Variants in RANBP10 observed in about 807,000 individuals in gnomAD.
The protein encoded by RANBP10 is ran-binding protein 10.
Under a neutral mutation model 72.8 loss-of-function variants are expected in RANBP10, and 24 were observed. The ratio of observed to expected loss-of-function variants is 0.33; its 90% CI spans 0.24 to 0.46. The LOEUF is 0.46. Among genes scored for constraint, RANBP10 ranks in the 20% least tolerant of loss-of-function variants. The pLI, the probability that RANBP10 is intolerant of heterozygous loss-of-function variation, is 1.00. For missense variants in RANBP10, 679 were observed against 817.5 expected (o/e 0.83, Z 2.07); for synonymous variants, 310 against 322.3 (o/e 0.96, Z 0.41).
rs1223383715 is a variant in RANBP10 at position 67,725,959 on chromosome 16, AAT to A, written c.*467_*468del. On this transcript the variant is annotated 3_prime_UTR_variant, in exon 14 of 14. Transcript: ENST00000317506. ...TACGATAAATACTGTCTTTTTTTTT[AAT>A]ATATATATTTTTATATATATATATA... The A allele has an allele frequency of 1.0e-4, 15 of 144,116 alleles. No homozygotes were observed. The highest frequency in any genetic ancestry group is 2.2e-4 in the Non-Finnish European group (14 of 64,412). 8.9% of individuals were successfully genotyped at this position (144,116 alleles called of 1,614,324 possible). A position where few individuals can be genotyped will look rare whatever the true frequency, so the allele number is the denominator to read the frequency against.
chr16:67,788,679 C>T (rs537804929), intron 2 of RANBP10, among the ~76,000 whole-genome samples: 4 of 151,904 alleles, frequency 2.6e-5, no homozygotes, highest in Admixed American at 6.6e-5. Flanking sequence ...CATGAGCCAC[C>T]GCTCCTGCCC....
intron 4 of RANBP10, among the ~76,000 whole-genome samples, chr16:67,743,592 T>C (rs750456796): frequency 6.6e-6 from 1 of 152,156 alleles, no homozygotes; most frequent in Non-Finnish European, 1.5e-5. Flanking sequence ...CTGGGTTTCT[T>C]CTCCTGGTTA....
At chr16:67,760,285 C>T (rs574210098) in intron 3 of RANBP10, among the ~76,000 whole-genome samples, 2 of 152,308 alleles carry the variant, frequency 1.3e-5, no homozygotes, top group East Asian at 3.9e-4. Context: ...TCATTGCTTG[C>T]CACTCAGGCA....
intron 2 of RANBP10, among the ~76,000 whole-genome samples, chr16:67,789,772 A>AC (rs2054989508): frequency 6.6e-6 from 1 of 151,644 alleles, no homozygotes; most frequent in South Asian, 2.1e-4. Flanking sequence ...TGCCCAGACA[A>AC]CCATATATCT....
intron 2 of RANBP10, among the ~76,000 whole-genome samples, chr16:67,784,818 TAA>T (rs1174073904): frequency 1.7e-5 from 2 of 120,746 alleles, no homozygotes; most frequent in African/African-American, 3.1e-5. Flanking sequence ...AAACTCCATC[TAA>T]AAAAAAAAAA....
intron 2 of RANBP10, among the ~76,000 whole-genome samples, chr16:67,797,406 T>C (rs2055153084): frequency 6.6e-6 from 1 of 152,242 alleles, no homozygotes; most frequent in Non-Finnish European, 1.5e-5. Context: ...TGGTGGCTCA[T>C]GCCTGTAATC....
At chr16:67,788,431 A>AT (rs1184357767) in intron 2 of RANBP10, among the ~76,000 whole-genome samples, 1 of 143,968 alleles carries the variant, frequency 6.9e-6, no homozygotes, top group Admixed American at 7.0e-5. Context: ...TTTTTGTTGT[A>AT]TTTTTTTAGT....
chr16:67,736,525 C>T (rs909707399), intron 5 of RANBP10, among the ~76,000 whole-genome samples: 4 of 152,200 alleles, frequency 2.6e-5, no homozygotes, highest in Non-Finnish European at 5.9e-5. Context: ...TTCAGCCCAC[C>T]ATGGGCTCTG....
chr16:67,729,576 C>T lies in RANBP10; in HGVS notation c.1148-92G>A. The T allele has an allele frequency of 6.4e-7, 1 of 1,555,320 alleles. No individual in the cohort carries two copies. Among genetic ancestry groups the T allele is most frequent in the Non-Finnish European group, 8.7e-7 (1 of 1,150,842 alleles). On this transcript the variant is annotated intron_variant, in intron 9 of 13. Coordinates refer to ENST00000317506, the MANE Select transcript of RANBP10 (RefSeq NM_020850.3). The surrounding 1 kb of genome is among the most constrained non-coding windows in gnomAD (Gnocchi z 7.1). Reference sequence around the variant, plus strand: ...CCACAGTGGTCCCATTTCCCTTCTCCCAAATCCAGCAGTGAGCCCTGAGCC... The same window carrying T: ...CCACAGTGGTCCCATTTCCCTTCTCTCAAATCCAGCAGTGAGCCCTGAGCC...
intron 3 of RANBP10, among the ~76,000 whole-genome samples, chr16:67,769,660 G>A (rs1484880925): frequency 7.0e-6 from 1 of 142,330 alleles, no homozygotes; most frequent in Non-Finnish European, 1.5e-5. Context: ...GCAGGAGAAC[G>A]GCACCAACCC....
chr16:67,727,234 G>A (rs2053619292), intron 13 of RANBP10, 93 bp downstream of exon 13: 2 of 1,245,662 alleles, frequency 1.6e-6, no homozygotes, highest in Non-Finnish European at 1.1e-6. Flanking sequence ...CAGAGGTGGA[G>A]ATTGCTGTGA....
chr16:67,744,041 T>C (rs2054020013), intron 4 of RANBP10: 1 of 967,922 alleles, frequency 1.0e-6, no homozygotes, highest in African/African-American at 1.8e-5. Context: ...AAAGCCAAGA[T>C]CACGACCAGG....
intron 2 of RANBP10, among the ~76,000 whole-genome samples, chr16:67,790,286 G>A (rs2054999890): frequency 6.6e-6 from 1 of 151,636 alleles, no homozygotes; most frequent in African/African-American, 2.4e-5. Context: ...AGGTTAACAG[G>A]GACTAGGAGG....
intron 3 of RANBP10, among the ~76,000 whole-genome samples, chr16:67,768,243 G>A (rs774699305): frequency 8.6e-5 from 13 of 151,584 alleles, no homozygotes; most frequent in South Asian, 4.2e-4. Flanking sequence ...AAAAACGGCC[G>A]GGCGTGGTGC....
intron 2 of RANBP10, among the ~76,000 whole-genome samples, chr16:67,774,720 G>T (rs1432211454): frequency 6.6e-6 from 1 of 152,170 alleles, no homozygotes; most frequent in African/African-American, 2.4e-5. Flanking sequence ...AGCTGAGTCA[G>T]GGTTCAAGGC....
At position 67,730,614 on chromosome 16, in the gene RANBP10, T is replaced by C. The variant is rs144099850; in HGVS notation, c.890-568A>G. ...TCTCACGCCATCAGCATCTTGCTGC[T>C]GCCTTTTCGCTCTTGCCGTGGGGCC... On this transcript the variant is annotated intron_variant, in intron 7 of 13. Coordinates refer to ENST00000317506, the MANE Select transcript of RANBP10 (RefSeq NM_020850.3). This position sits in a 1 kb window ranked among gnomAD's most constrained non-coding sequence, Gnocchi z 4.3. Among the ~76,000 whole-genome samples the C allele has an allele frequency of 6.7e-4, 102 of 152,306 alleles. No individual in the cohort carries two copies. The highest frequency in any genetic ancestry group is 2.2e-3 in the African/African-American group (90 of 41,558).
chr16:67,737,187 C>CTTTTT (rs1567678347), intron 5 of RANBP10, among the ~76,000 whole-genome samples: 3 of 128,372 alleles, frequency 2.3e-5, no homozygotes, highest in African/African-American at 1.0e-4. Flanking sequence ...AAACTCCATC[C>CTTTTT]TTTTCTTTTT....
intron 3 of RANBP10, among the ~76,000 whole-genome samples, chr16:67,750,725 T>A (rs1024978582): frequency 6.6e-5 from 10 of 151,830 alleles, no homozygotes; most frequent in Non-Finnish European, 1.2e-4. Flanking sequence ...CCAGGAGGTA[T>A]AAGACATAAG....
At chr16:67,801,453 C>A (rs2055233844) in intron 2 of RANBP10, among the ~76,000 whole-genome samples, 1 of 152,198 alleles carries the variant, frequency 6.6e-6, no homozygotes, top group African/African-American at 2.4e-5. Flanking sequence ...GGCTACTCCA[C>A]TGCACACCCT....
Sources: allele counts gnomAD v4.1 joint callset (sites outside exome capture counted in the v4.1 genomes callset), GRCh38; gene constraint gnomAD v4.1.1; non-coding constraint Gnocchi (gnomAD v3.1); transcripts MANE v1.5; gene names NCBI Gene and HGNC (gene_info 2026-07-23, HGNC 2026-07-21).